Variants in SMARCD3 observed in about 807,000 individuals in gnomAD.
SMARCD3 encodes SWI/SNF related BAF chromatin remodeling complex subunit D3, also known as SWI/SNF-related matrix-associated actin-dependent regulator of chromatin subfamily D member 3.
Under a neutral mutation model 58.0 loss-of-function variants are expected in SMARCD3, and 14 were observed. The ratio of observed to expected loss-of-function variants is 0.24; its 90% CI spans 0.16 to 0.38. The LOEUF (loss-of-function observed/expected upper bound fraction) is 0.38, where lower values mean the gene tolerates loss of function less well. Ranked by LOEUF, SMARCD3 falls within the 10% of genes least tolerant of loss-of-function variation. The pLI, the probability that SMARCD3 is intolerant of heterozygous loss-of-function variation, is 1.00. For synonymous variants in SMARCD3, 253 were observed against 253.8 expected, an observed-to-expected ratio of 1.00 and a Z score of 0.03; for missense variants, 408 against 636.9, an observed-to-expected ratio of 0.64 and a Z score of 3.87.
intron 2 of SMARCD3, among the ~76,000 whole-genome samples, chr7:151,255,001 G>A (rs1803654375): frequency 6.6e-6 from 1 of 152,172 alleles, no homozygotes; most frequent in Admixed American, 6.5e-5. Flanking sequence ...TGGAAGTGCT[G>A]CGCGGACTCG....
upstream of SMARCD3, among the ~76,000 whole-genome samples, chr7:151,252,099 G>T (rs1225139018): frequency 6.6e-6 from 1 of 152,108 alleles, no homozygotes; most frequent in Non-Finnish European, 1.5e-5. Flanking sequence ...CTTCCCTGCG[G>T]GAAGATGGCC....
At chr7:151,254,697 CT>C (rs775957256) in intron 2 of SMARCD3, among the ~76,000 whole-genome samples, 2 of 152,168 alleles carry the variant, frequency 1.3e-5, no homozygotes, top group African/African-American at 2.4e-5. Context: ...TCCTCTCTGT[CT>C]TTTGCAGCTA....
Position 151,246,399 on chromosome 7 carries a change from T to C in SMARCD3, c.79-728A>G, listed in dbSNP as rs148150486. ...TCGCTGACCAAGCTGCCCCCATAATTTGCTCCCAGGGTGAGGGCTGGAGGC... is the reference window on the plus strand; with the variant it reads ...TCGCTGACCAAGCTGCCCCCATAATCTGCTCCCAGGGTGAGGGCTGGAGGC... On this transcript the variant is annotated intron_variant, in intron 1 of 12. Coordinates refer to ENST00000262188, the MANE Select transcript of SMARCD3 (RefSeq NM_001003801.2). The surrounding 1 kb of genome is among the most constrained non-coding windows in gnomAD (Gnocchi z 4.4). 9.9e-5 allele frequency among the ~76,000 whole-genome samples: 15 copies of C among 152,104 alleles called. No homozygotes were observed. The highest frequency in any genetic ancestry group is 2.6e-4 in the Admixed American group (4 of 15,286).
chr7:151,242,658 C>T lies in SMARCD3; in HGVS notation c.457-55G>A, dbSNP rs2150592296. The T allele has an allele frequency of 1.9e-6, 3 of 1,612,406 alleles. No homozygotes were observed. Among genetic ancestry groups the T allele is most frequent in the Non-Finnish European group, 2.5e-6 (3 of 1,178,542 alleles). Reference sequence around the variant, plus strand: ...ATGCTGTGTGCTCCCACCCCGACCACCCTGCTTCCCCATCCTGGTCACACA... The same window carrying T: ...ATGCTGTGTGCTCCCACCCCGACCATCCTGCTTCCCCATCCTGGTCACACA... On this transcript the variant is annotated intron_variant, in intron 4 of 12. Transcript: ENST00000262188. This position sits in a 1 kb window ranked among gnomAD's most constrained non-coding sequence, Gnocchi z 4.7.
intron 1 of SMARCD3, among the ~76,000 whole-genome samples, chr7:151,247,276 G>C (rs555744845): frequency 6.6e-6 from 1 of 152,056 alleles, no homozygotes; most frequent in Non-Finnish European, 1.5e-5. Flanking sequence ...CACTAGATGG[G>C]CCTTTTTAAA....
At chr7:151,272,650 G>C (rs559969406) in intron 2 of SMARCD3, among the ~76,000 whole-genome samples, 2 of 152,300 alleles carry the variant, frequency 1.3e-5, no homozygotes, top group African/African-American at 4.8e-5. Flanking sequence ...CGGTGTCACA[G>C]CTTGGAAAGT....
Position 151,248,179 on chromosome 7 carries a change from AGTCAACCT to A in SMARCD3, c.78+298_78+305del, listed in dbSNP as rs1298904400. Among the ~76,000 whole-genome samples, 1 of 151,906 alleles carries A rather than the reference AGTCAACCT, an allele frequency of 6.6e-6. No homozygotes were observed. The highest frequency in any genetic ancestry group is 1.5e-5 in the Non-Finnish European group (1 of 67,902). On this transcript the variant is annotated intron_variant, in intron 1 of 12. Transcript: ENST00000262188. The surrounding 1 kb of genome is among the most constrained non-coding windows in gnomAD (Gnocchi z 6.1). ...CTGGGCCCACAAGGAAAAGAACGAA[AGTCAACCT>A]GTCGGCTACAGCGAGGACCCCCTAC...
At chr7:151,247,801 G>A (rs893651397) in intron 1 of SMARCD3, among the ~76,000 whole-genome samples, 1 of 151,930 alleles carries the variant, frequency 6.6e-6, no homozygotes, top group African/African-American at 2.4e-5. Context: ...CTGTCCCTTC[G>A]GTCTCTAGGC....
Position 151,245,134 on chromosome 7 carries a change from C to T in SMARCD3, c.290+326G>A, listed in dbSNP as rs1187592893. ...CCTCAGTCCCACTGGAAGCCCCGCC[C>T]CCACCCCAAAGACTGAAGCATCACC... On this transcript the variant is annotated intron_variant, in intron 2 of 12. Transcript: ENST00000262188. The surrounding 1 kb of genome is among the most constrained non-coding windows in gnomAD (Gnocchi z 6.2). Among the ~76,000 whole-genome samples, 1 of 152,130 alleles carries T rather than the reference C, an allele frequency of 6.6e-6. No individual in the cohort carries two copies. The highest frequency in any genetic ancestry group is 3.2e-3 in the Middle Eastern group (1 of 316).
At chr7:151,260,378 G>A (rs766223782) in intron 2 of SMARCD3, among the ~76,000 whole-genome samples, 26 of 152,070 alleles carry the variant, frequency 1.7e-4, no homozygotes, top group Non-Finnish European at 3.2e-4. Flanking sequence ...CTGATTGTTC[G>A]AAACATTGGG....
At position 151,272,215 on chromosome 7, in the gene SMARCD3, C is replaced by A. The variant is rs1795196027; in HGVS notation, c.39+2899G>T. Among the ~76,000 whole-genome samples the A allele has an allele frequency of 2.6e-5, 4 of 152,186 alleles. No individual in the cohort carries two copies. In the South Asian group the frequency reaches 8.3e-4, roughly 32 times the overall value. On this transcript the variant is annotated intron_variant, in intron 2 of 13. Transcript: ENST00000356800. The stretch of plus-strand genomic sequence containing the variant: ...GGGACCAGAAATCACGTGATTTGAG[C>A]AAGTTGTTTGATTTTTATCTCATGC...
Position 151,245,191 on chromosome 7 carries a change from C to T in SMARCD3, c.290+269G>A, listed in dbSNP as rs1803194109. Among the ~76,000 whole-genome samples, 1 of 151,712 alleles carries T rather than the reference C, an allele frequency of 6.6e-6. No homozygotes were observed. The highest frequency in any genetic ancestry group is 6.6e-5 in the Admixed American group (1 of 15,238). ...CTGATGGGTGGAGAGAAGGACTGAG[C>T]AGGTGACAAGGAGAAGGGTGAGGGG... is the stretch of plus-strand genomic sequence containing the variant. On this transcript the variant is annotated intron_variant, in intron 2 of 12. Transcript: ENST00000262188. The surrounding 1 kb of genome is among the most constrained non-coding windows in gnomAD (Gnocchi z 6.2).
At chr7:151,252,931 A>C (rs144204977), upstream of SMARCD3, among the ~76,000 whole-genome samples, 654 of 152,340 alleles carry the variant, frequency 4.3e-3, 10 homozygotes, top group African/African-American at 0.015. Flanking sequence ...CATACACGAA[A>C]GAGACAAATG....
At chr7:151,255,847 A>T (rs1488705972) in intron 2 of SMARCD3, among the ~76,000 whole-genome samples, 1 of 151,368 alleles carries the variant, frequency 6.6e-6, no homozygotes, top group East Asian at 1.9e-4. Context: ...ACGGTGACAC[A>T]TAACACAATT....
At chr7:151,256,014 G>A (rs1803687693) in intron 2 of SMARCD3, among the ~76,000 whole-genome samples, 1 of 151,850 alleles carries the variant, frequency 6.6e-6, no homozygotes, top group African/African-American at 2.4e-5. Context: ...CCAAGTAGCT[G>A]GGACTACAGG....
At chr7:151,268,834 C>T (rs1795072856) in intron 2 of SMARCD3, among the ~76,000 whole-genome samples, 1 of 152,080 alleles carries the variant, frequency 6.6e-6, no homozygotes, top group East Asian at 1.9e-4. Context: ...GAACTCCTGG[C>T]TTCAGGCGAT....
At chr7:151,262,362 G>C (rs1052012439) in intron 2 of SMARCD3, among the ~76,000 whole-genome samples, 1 of 152,138 alleles carries the variant, frequency 6.6e-6, no homozygotes, top group Non-Finnish European at 1.5e-5. Flanking sequence ...GATTACAGGC[G>C]TGAGCCACCA....
At chr7:151,260,146 C>T (rs1803870386) in intron 2 of SMARCD3, among the ~76,000 whole-genome samples, 1 of 152,118 alleles carries the variant, frequency 6.6e-6, no homozygotes, top group Non-Finnish European at 1.5e-5. Context: ...GGTTTCCTGT[C>T]CTCAAGGTCC....
upstream of SMARCD3, among the ~76,000 whole-genome samples, chr7:151,252,994 C>G (rs978666851): frequency 1.3e-5 from 2 of 152,298 alleles, no homozygotes; most frequent in East Asian, 3.9e-4. Flanking sequence ...AATAATGGTG[C>G]GACCTTGGGC....
Sources: gnomAD v4.1 joint callset for allele counts (sites outside exome capture counted in the v4.1 genomes callset) on GRCh38, gnomAD v4.1.1 for gene constraint, Gnocchi (gnomAD v3.1) non-coding constraint, MANE v1.5 for transcripts, NCBI Gene and HGNC (gene_info 2026-07-23, HGNC 2026-07-21) for gene names.